The following KCNU1 variants were observed in gnomAD, a reference collection of about 807,000 sequenced individuals.
KCNU1 encodes potassium calcium-activated channel subfamily U member 1, also known as potassium channel subfamily U member 1.
KCNU1 carries 93 observed loss-of-function variants against 126.8 expected under a neutral mutation model. The ratio of observed to expected loss-of-function variants is 0.73; its 90% CI spans 0.62 to 0.87. The LOEUF is 0.87. Among genes scored for constraint, KCNU1 ranks in the 40% least tolerant of loss-of-function variants. KCNU1 has a pLI of 0.00. For synonymous variants in KCNU1, 523 were observed against 494.2 expected (o/e 1.06, Z -0.77); for missense variants, 1,330 against 1,367.1 (o/e 0.97, Z 0.43).
chr8:36,820,900 C>T (rs1312928352), intron 10 of KCNU1, among the ~76,000 whole-genome samples: 10 of 152,214 alleles, frequency 6.6e-5, no homozygotes, highest in Admixed American at 1.3e-4. Flanking sequence ...ACATTCTTCT[C>T]GGAAGCCTGA....
At chr8:36,930,907 A>G (rs763796849) in intron 24 of KCNU1, 44 bp from the exon 25 acceptor site, 4 of 1,449,752 alleles carry the variant, frequency 2.8e-6, no homozygotes, top group Non-Finnish European at 3.8e-6. Context: ...CAGTTCACAT[A>G]TTGGCTCTTC....
At chr8:36,934,750 G>A (rs1036876829) in intron 26 of KCNU1, among the ~76,000 whole-genome samples, 1 of 152,104 alleles carries the variant, frequency 6.6e-6, no homozygotes, top group Admixed American at 6.6e-5. Flanking sequence ...GCACTAGTGA[G>A]GCAATGCAGG....
chr8:36,891,622 C>G (rs1455041747), intron 19 of KCNU1, among the ~76,000 whole-genome samples: 3 of 152,206 alleles, frequency 2.0e-5, no homozygotes, highest in African/African-American at 7.2e-5. Context: ...TTGTAATACT[C>G]TTTAGTATCG....
chr8:36,824,254 C>T (rs932620207), intron 10 of KCNU1, among the ~76,000 whole-genome samples: 1 of 152,148 alleles, frequency 6.6e-6, no homozygotes, highest in Non-Finnish European at 1.5e-5. Context: ...GTAGTGCCTC[C>T]TTATCTGCAG....
At chr8:36,932,173 A>C (rs2117617167) in intron 25 of KCNU1, among the ~76,000 whole-genome samples, 1 of 152,212 alleles carries the variant, frequency 6.6e-6, no homozygotes, top group South Asian at 2.1e-4. Flanking sequence ...ACATTCCAGA[A>C]GCTCCCTCTT....
intron 2 of KCNU1, among the ~76,000 whole-genome samples, chr8:36,796,482 T>C (rs1205737599): frequency 2.0e-5 from 3 of 152,358 alleles, no homozygotes; most frequent in Middle Eastern, 3.4e-3. Flanking sequence ...TTAGTTTTAT[T>C]GACTGTCATG....
chr8:36,894,860 C>T (rs1585526044), intron 19 of KCNU1, among the ~76,000 whole-genome samples: 1 of 152,178 alleles, frequency 6.6e-6, no homozygotes, highest in East Asian at 1.9e-4. Context: ...ATGTAAAATG[C>T]ATAAAGACTA....
At chr8:36,814,894 C>G (rs1007498185) in intron 8 of KCNU1, among the ~76,000 whole-genome samples, 6 of 152,204 alleles carry the variant, frequency 3.9e-5, no homozygotes, top group Admixed American at 3.3e-4. Flanking sequence ...GAGTTCTCCA[C>G]TCCACTTTTT....
chr8:36,864,571 T>C (rs1186305251), intron 19 of KCNU1, 50 bp downstream of exon 19: 8 of 992,260 alleles, frequency 8.1e-6, no homozygotes, highest in Non-Finnish European at 1.3e-5. Flanking sequence ...TGAGAATCAG[T>C]GGGCCATATA....
chr8:36,806,830 A>T (rs1393288410), intron 5 of KCNU1, among the ~76,000 whole-genome samples: 19 of 152,214 alleles, frequency 1.2e-4, no homozygotes, highest in Non-Finnish European at 2.8e-4. Flanking sequence ...TGTAGCTTTT[A>T]TCAGTTTCGT....
At chr8:36,864,616 C>T in intron 19 of KCNU1, 95 bp downstream of exon 19, 1 of 748,110 alleles carries the variant, frequency 1.3e-6, no homozygotes, top group Non-Finnish European at 2.4e-6. Flanking sequence ...GCTTTATAAA[C>T]TCCTATACTG....
intron 6 of KCNU1, among the ~76,000 whole-genome samples, chr8:36,808,394 T>C (rs577150950): frequency 6.6e-6 from 1 of 152,236 alleles, no homozygotes; most frequent in African/African-American, 2.4e-5. Flanking sequence ...GATCCACATG[T>C]AGATATTTTA....
intron 12 of KCNU1, among the ~76,000 whole-genome samples, chr8:36,835,957 T>C (rs969418126): frequency 1.3e-5 from 2 of 152,210 alleles, no homozygotes; most frequent in Non-Finnish European, 2.9e-5. Context: ...TAGACTACCA[T>C]CAAATTTCTA....
chr8:36,845,757 A>C (rs1226825241), intron 17 of KCNU1, 45 bp from the exon 18 acceptor site: 1 of 1,503,100 alleles, frequency 6.7e-7, no homozygotes, highest in Non-Finnish European at 9.3e-7. Flanking sequence ...CCTCCTTTGC[A>C]TTAAGACTCA....
chr8:36,827,752 CA>C (rs1281319814), intron 10 of KCNU1, among the ~76,000 whole-genome samples: 5 of 152,190 alleles, frequency 3.3e-5, no homozygotes, highest in African/African-American at 4.8e-5. Flanking sequence ...ATACTGAATC[CA>C]AAGTGTTCTC....
chr8:36,929,141 G>T, intron 24 of KCNU1: 1 of 595,940 alleles, frequency 1.7e-6, no homozygotes, highest in South Asian at 2.0e-5. Context: ...CAGCACTTTG[G>T]GAGGCCAAGG....
At chr8:36,815,428 T>C (rs1190355792) in intron 8 of KCNU1, among the ~76,000 whole-genome samples, 168 bp from the exon 9 acceptor site, 1 of 152,152 alleles carries the variant, frequency 6.6e-6, no homozygotes, top group African/African-American at 2.4e-5. Flanking sequence ...TTAACAAAAT[T>C]CAAAGGCTGA....
intron 22 of KCNU1, among the ~76,000 whole-genome samples, chr8:36,916,203 G>T (rs1012445557): frequency 1.4e-5 from 2 of 147,182 alleles, no homozygotes; most frequent in Non-Finnish European, 3.0e-5. Flanking sequence ...GGAAGGAAAG[G>T]GGAGAGGGAA....
chr8:36,821,603 A>C (rs1804127671), intron 10 of KCNU1, among the ~76,000 whole-genome samples: 1 of 152,160 alleles, frequency 6.6e-6, no homozygotes, highest in Non-Finnish European at 1.5e-5. Context: ...TATTTTGTAC[A>C]AGGGAGGGAT....
Sources: allele counts gnomAD v4.1 joint callset (sites outside exome capture counted in the v4.1 genomes callset), GRCh38; gene constraint gnomAD v4.1.1; transcripts MANE v1.5; gene names NCBI Gene and HGNC (gene_info 2026-07-23, HGNC 2026-07-21).